OPRK1: variants seen among roughly 807,000 people sequenced by gnomAD.
OPRK1 encodes the protein opioid receptor kappa 1.
Under a neutral mutation model 24.5 loss-of-function variants are expected in OPRK1, and 15 were observed. The observed-to-expected ratio is 0.61, with a 90% CI of 0.41 to 0.94. OPRK1 has a LOEUF of 0.94. OPRK1 is among the 40% of genes least tolerant of loss of function. The pLI is 0.00. For synonymous variants in OPRK1, 205 were observed against 198.0 expected, an observed-to-expected ratio of 1.04 and a Z score of -0.30; for missense variants, 479 against 507.3, an observed-to-expected ratio of 0.94 and a Z score of 0.54.
At chr8:53,242,727 C>G (rs1048992070) in intron 2 of OPRK1, 2 of 821,194 alleles carry the variant, frequency 2.4e-6, no homozygotes, top group African/African-American at 3.7e-5. Context: ...AGGATGGTCT[C>G]CATCTCCTGA....
At chr8:53,250,689 G>T (rs190563712) in intron 2 of OPRK1, 92 bp downstream of exon 2, 9 of 1,333,688 alleles carry the variant, frequency 6.7e-6, no homozygotes, top group Non-Finnish European at 9.2e-6. Context: ...CCACCACCTG[G>T]CTGGCTGCCC....
intron 2 of OPRK1, among the ~76,000 whole-genome samples, chr8:53,244,677 C>G (rs939803970): frequency 1.3e-5 from 2 of 152,116 alleles, no homozygotes; most frequent in Non-Finnish European, 2.9e-5. Context: ...CCTTGTTTAT[C>G]CTTATAATTA....
chr8:53,229,589 A>G lies in OPRK1; in HGVS notation c.851T>C (p.Val284Ala). Residue 284 changes from valine to alanine, a missense_variant, in exon 4 of 4, where the codon GTC becomes GCC. Coordinates refer to ENST00000265572, the MANE Select transcript of OPRK1 (RefSeq NM_000912.5). ...RLVLVVVAVF[V>A]VCWTPIHIFI... The stretch of plus-strand genomic sequence containing the variant: ...TATGTGAATGGGAGTCCAGCAGACG[A>G]CGAAGACTGCCACCACCACCAGGAC... The G allele has an allele frequency of 6.2e-7, 1 of 1,614,154 alleles. No individual in the cohort carries two copies. Among genetic ancestry groups the G allele is most frequent in the Non-Finnish European group, 8.5e-7 (1 of 1,180,014 alleles).
At position 53,228,851 on chromosome 8, in the gene OPRK1, TTC is replaced by T; in HGVS notation, c.*444_*445del. ...GCATGAACCCTGGAAATAGTTCCCATTCCGTTGGAGGTTGTTGCTGTCATTGT... is the reference window on the plus strand; with the variant it reads ...GCATGAACCCTGGAAATAGTTCCCATCGTTGGAGGTTGTTGCTGTCATTGT... On this transcript the variant is annotated 3_prime_UTR_variant, in exon 4 of 4. Transcript: ENST00000265572. The T allele has an allele frequency of 1.2e-5, 2 of 161,044 alleles. No homozygotes were observed. Among genetic ancestry groups the T allele is most frequent in the Admixed American group, 5.9e-5 (1 of 16,964 alleles). 10.0% of individuals were successfully genotyped at this position (161,044 alleles called of 1,614,324 possible).
chr8:53,243,551 G>A (rs1051058116), intron 2 of OPRK1, among the ~76,000 whole-genome samples: 1 of 152,156 alleles, frequency 6.6e-6, no homozygotes, highest in African/African-American at 2.4e-5. Context: ...CTCTGCAGTT[G>A]TATAGTCTCT....
Position 53,228,351 on chromosome 8 carries a change from G to C in OPRK1, c.*946C>G, listed in dbSNP as rs202050518. 1 of 152,192 alleles carries C rather than the reference G, an allele frequency of 6.6e-6. No individual in the cohort carries two copies. 9.4% of individuals were successfully genotyped at this position (152,192 alleles called of 1,614,324 possible). On this transcript the variant is annotated 3_prime_UTR_variant, in exon 4 of 4. Coordinates refer to ENST00000265572, the MANE Select transcript of OPRK1 (RefSeq NM_000912.5). ...ACATGAGTTGTGAGCACTGTTACGGGACTAAATGGTATTCAGGGAGTCTGA... is the reference window on the plus strand; with the variant it reads ...ACATGAGTTGTGAGCACTGTTACGGCACTAAATGGTATTCAGGGAGTCTGA...
intron 2 of OPRK1, among the ~76,000 whole-genome samples, chr8:53,248,235 G>A (rs1807281254): frequency 6.6e-6 from 1 of 152,024 alleles, no homozygotes; most frequent in South Asian, 2.1e-4. Flanking sequence ...GGGGCCCAAG[G>A]TGGGAAAAGC....
chr8:53,233,089 A>G (rs1346431220), intron 3 of OPRK1, among the ~76,000 whole-genome samples: 1 of 152,240 alleles, frequency 6.6e-6, no homozygotes, highest in Non-Finnish European at 1.5e-5. Context: ...ACCTAGTAGT[A>G]TAGCTTGACA....
Position 53,229,143 on chromosome 8 carries a change from G to A in OPRK1, c.*154C>T, listed in dbSNP as rs1266375988. The stretch of plus-strand genomic sequence containing the variant: ...TGATGTTTCCACTGATCACGAACGT[G>A]GTCTGCATCTGATGACTTCAGACCA... On this transcript the variant is annotated 3_prime_UTR_variant, in exon 4 of 4. Transcript: ENST00000265572. 5 of 834,654 alleles carry A rather than the reference G, an allele frequency of 6.0e-6. No homozygotes were observed. The highest frequency in any genetic ancestry group is 9.0e-6 in the Non-Finnish European group (5 of 553,410). 51.7% of individuals were successfully genotyped at this position (834,654 alleles called of 1,614,324 possible).
At chr8:53,243,028 C>A in intron 2 of OPRK1, 1 of 1,156,046 alleles carries the variant, frequency 8.7e-7, no homozygotes, top group Non-Finnish European at 1.1e-6. Context: ...AGCACCCCCT[C>A]CAAAGAAAGG....
In OPRK1 at chr8:53,235,048, T is replaced by A; in HGVS notation, c.321A>T (p.Leu107Phe). The A allele has an allele frequency of 6.2e-7, 1 of 1,614,266 alleles. No homozygotes were observed. Among genetic ancestry groups the A allele is most frequent in the Non-Finnish European group, 8.5e-7 (1 of 1,180,046 alleles). ...TCTGAAAGGGCATGGTTGTAGTAAC[T>A]AAAGCATCTGCCAAAGCCAGGTTAA... ...YIFNLALADA[L>F]VTTTMPFQST... Residue 107 changes from leucine to phenylalanine, a missense_variant, in exon 3 of 4, where the codon TTA (leucine) becomes TTT (phenylalanine). Leu to Phe is a conservative substitution (Grantham distance 22, BLOSUM62 0). Transcript: ENST00000265572.
intron 3 of OPRK1, among the ~76,000 whole-genome samples, chr8:53,232,518 T>C (rs1025261274): frequency 2.0e-5 from 3 of 152,176 alleles, no homozygotes; most frequent in Admixed American, 6.5e-5. Context: ...AATATGTACA[T>C]CTATTATGAA....
At chr8:53,234,207 G>A (rs934845471) in intron 3 of OPRK1, among the ~76,000 whole-genome samples, 3 of 91,950 alleles carry the variant, frequency 3.3e-5, no homozygotes, top group African/African-American at 1.9e-4. Context: ...AAAAAAATCA[G>A]TTGGCTGGTT....
At chr8:53,234,534 G>A (rs934854676) in intron 3 of OPRK1, among the ~76,000 whole-genome samples, 2 of 152,144 alleles carry the variant, frequency 1.3e-5, no homozygotes, top group Non-Finnish European at 2.9e-5. Flanking sequence ...TGGGAGACAG[G>A]TCGGGCATCT....
At chr8:53,246,091 C>G (rs1314881030) in intron 2 of OPRK1, among the ~76,000 whole-genome samples, 1 of 152,136 alleles carries the variant, frequency 6.6e-6, no homozygotes, top group South Asian at 2.1e-4. Flanking sequence ...CAGAAGAGAG[C>G]TGAGAAGGCT....
rs1806777056 is a variant in OPRK1, at chr8:53,228,741, G to C, written c.*556C>G. ...GTATAAGTGAACATCAGATTCCTCA[G>C]ATGTGGGTCCAAGCCATATGTAAGC... On this transcript the variant is annotated 3_prime_UTR_variant, in exon 4 of 4. Coordinates refer to ENST00000265572, the MANE Select transcript of OPRK1 (RefSeq NM_000912.5). 1 of 152,364 alleles carries C rather than the reference G, an allele frequency of 6.6e-6. No homozygotes were observed. The highest frequency in any genetic ancestry group is 6.5e-5 in the Admixed American group (1 of 15,286). 9.4% of individuals were successfully genotyped at this position (152,364 alleles called of 1,614,324 possible). A position where few individuals can be genotyped will look rare whatever the true frequency, so the allele number is the denominator to read the frequency against.
intron 3 of OPRK1, among the ~76,000 whole-genome samples, chr8:53,232,808 A>G (rs79546174): frequency 0.052 from 7,981 of 152,256 alleles, 685 homozygotes; most frequent in African/African-American, 0.18. Flanking sequence ...TGTTAAGAAT[A>G]ATTGTTTCTG....
chr8:53,229,262 CCCGAAGAA>C lies in OPRK1; in HGVS notation c.*27_*34del. The C allele has an allele frequency of 6.3e-7, 1 of 1,582,570 alleles. No homozygotes were observed. The highest frequency in any genetic ancestry group is 8.6e-7 in the Non-Finnish European group (1 of 1,162,986). ...ACCTAGATCATTGAACTCCTCTCTT[CCCGAAGAA>C]CTGTACGAAGACATCTCCACGACTA... On this transcript the variant is annotated 3_prime_UTR_variant, in exon 4 of 4. Coordinates refer to ENST00000265572, the MANE Select transcript of OPRK1 (RefSeq NM_000912.5).
At chr8:53,247,932 A>C (rs1807271708) in intron 2 of OPRK1, among the ~76,000 whole-genome samples, 1 of 146,702 alleles carries the variant, frequency 6.8e-6, no homozygotes. Context: ...CAGAGGTTGC[A>C]ATGAGCTGAG....
Sources: allele counts gnomAD v4.1 joint callset (sites outside exome capture counted in the v4.1 genomes callset), GRCh38; gene constraint gnomAD v4.1.1; transcripts MANE v1.5; gene names NCBI Gene and HGNC (gene_info 2026-07-23, HGNC 2026-07-21).